Variants in CRACR2A observed in about 807,000 individuals in gnomAD.
The protein encoded by CRACR2A is calcium release activated channel regulator 2A.
CRACR2A carries 79 observed loss-of-function variants against 90.5 expected under a neutral mutation model. The observed-to-expected ratio is 0.87, with a 90% CI of 0.73 to 1.05. The LOEUF is 1.05. Among genes scored for constraint, CRACR2A ranks in the 50% least tolerant of loss-of-function variants. CRACR2A has a pLI of 0.00. For synonymous variants in CRACR2A, 338 were observed against 356.7 expected (o/e 0.95, Z 0.59); for missense variants, 823 against 897.2 (o/e 0.92, Z 1.06).
chr12:3,627,302 C>T (rs1252820469), intron 17 of CRACR2A, 134 bp downstream of exon 17: 3 of 666,208 alleles, frequency 4.5e-6, no homozygotes, highest in African/African-American at 3.6e-5. Context: ...CACATGCCTG[C>T]ATCAGTTTGT....
intron 3 of CRACR2A, among the ~76,000 whole-genome samples, chr12:3,712,904 C>A (rs1946027373): frequency 6.6e-6 from 1 of 152,044 alleles, no homozygotes; most frequent in South Asian, 2.1e-4. Context: ...CAGAGAGGGG[C>A]TAGCAGACCC....
intron 6 of CRACR2A, among the ~76,000 whole-genome samples, chr12:3,675,070 T>C (rs1190551984): frequency 6.6e-6 from 1 of 152,236 alleles, no homozygotes; most frequent in Non-Finnish European, 1.5e-5. Flanking sequence ...ATACTTCTCT[T>C]GAGCTCTTTC....
At position 3,667,445 on chromosome 12, in the gene CRACR2A, G is replaced by T. The variant is rs536221634; in HGVS notation, c.671+6001C>A. Among the ~76,000 whole-genome samples, 9 of 152,266 alleles carry T rather than the reference G, an allele frequency of 5.9e-5. No individual in the cohort carries two copies. In the East Asian group the frequency reaches 1.4e-3, roughly 23 times the overall value. On this transcript the variant is annotated intron_variant, in intron 7 of 19. Coordinates refer to ENST00000440314, the MANE Select transcript of CRACR2A (RefSeq NM_001144958.2). ...GGGGCCAACAGTCCACACTGCCATGGCCAAAGAGAGGCAAGATTATGGGAG... is the reference window on the plus strand; with the variant it reads ...GGGGCCAACAGTCCACACTGCCATGTCCAAAGAGAGGCAAGATTATGGGAG...
intron 15 of CRACR2A, among the ~76,000 whole-genome samples, chr12:3,631,083 AG>A: frequency 6.6e-6 from 1 of 152,190 alleles, no homozygotes; most frequent in Non-Finnish European, 1.5e-5. Flanking sequence ...GGCAGCCTGC[AG>A]GTGGCTGGTG....
At chr12:3,716,059 CTTTT>C (rs565438217) in intron 2 of CRACR2A, among the ~76,000 whole-genome samples, 1 of 143,238 alleles carries the variant, frequency 7.0e-6, no homozygotes, top group African/African-American at 2.6e-5. Flanking sequence ...CTCTCCCAGG[CTTTT>C]TTTTTTTTTC....
chr12:3,687,850 C>T (rs999596413), intron 4 of CRACR2A, among the ~76,000 whole-genome samples: 1 of 152,180 alleles, frequency 6.6e-6, no homozygotes. Flanking sequence ...CTTGCCAGCA[C>T]CTGTTATTTT....
At chr12:3,680,459 T>A in intron 4 of CRACR2A, 110 bp from the exon 5 acceptor site, 1 of 822,100 alleles carries the variant, frequency 1.2e-6, no homozygotes, top group Non-Finnish European at 2.0e-6. Context: ...GGCCCAGTCC[T>A]ACAAAAGCCA....
chr12:3,627,082 T>G (rs1944277534), intron 17 of CRACR2A, among the ~76,000 whole-genome samples: 1 of 152,144 alleles, frequency 6.6e-6, no homozygotes, highest in African/African-American at 2.4e-5. Context: ...ACTCAAACAC[T>G]GATTTCTCCA....
intron 7 of CRACR2A, among the ~76,000 whole-genome samples, chr12:3,668,996 C>A (rs1341482077): frequency 6.6e-6 from 1 of 152,194 alleles, no homozygotes; most frequent in Non-Finnish European, 1.5e-5. Context: ...AAACAGGCAG[C>A]CAGCTGGTAT....
At chr12:3,637,637 T>C (rs1461651123) in intron 14 of CRACR2A, among the ~76,000 whole-genome samples, 1 of 151,906 alleles carries the variant, frequency 6.6e-6, no homozygotes, top group Non-Finnish European at 1.5e-5. Flanking sequence ...CCTTCCCCTT[T>C]CCCTCCACTT....
In CRACR2A at chr12:3,633,523, C is replaced by T. The variant is rs188630062; in HGVS notation, c.1735+81G>A. ...CATGGCCCTTCCCATGGGCTTCTAACGCTCCCTGCCCCGGGCCCCCTTCTC... is the reference window on the plus strand; with the variant it reads ...CATGGCCCTTCCCATGGGCTTCTAATGCTCCCTGCCCCGGGCCCCCTTCTC... On this transcript the variant is annotated intron_variant, in intron 15 of 19. Coordinates refer to ENST00000440314, the MANE Select transcript of CRACR2A (RefSeq NM_001144958.2). This position sits in a 1 kb window ranked among gnomAD's most constrained non-coding sequence, Gnocchi z 4.5. 1.6e-3 allele frequency: 2,407 copies of T among 1,528,622 alleles called. 39 individuals are homozygous for T. Among genetic ancestry groups the T allele is most frequent in the Middle Eastern group, 6.8e-4 (4 of 5,848 alleles). 94.7% of individuals were successfully genotyped at this position (1,528,622 alleles called of 1,614,324 possible). A position where few individuals can be genotyped will look rare whatever the true frequency, so the allele number is the denominator to read the frequency against.
At chr12:3,723,902 G>A (rs1165116862) in intron 2 of CRACR2A, among the ~76,000 whole-genome samples, 1 of 152,152 alleles carries the variant, frequency 6.6e-6, no homozygotes, top group African/African-American at 2.4e-5. Flanking sequence ...AGAAGGAAGA[G>A]ATCTCCTTCC....
intron 11 of CRACR2A, among the ~76,000 whole-genome samples, chr12:3,647,523 C>T (rs1944710660): frequency 6.6e-6 from 1 of 152,160 alleles, no homozygotes; most frequent in Non-Finnish European, 1.5e-5. Flanking sequence ...GTTTTGTTCT[C>T]TTCCTTTTAC....
chr12:3,619,265 C>T lies in CRACR2A; in HGVS notation c.2034+6G>A, dbSNP rs374686212. ...GTCCAGAGAGATGGAAATGCTTGCTCTTTACCGTGGCAAGCTGCTCTCCGA... is the reference window on the plus strand; with the variant it reads ...GTCCAGAGAGATGGAAATGCTTGCTTTTTACCGTGGCAAGCTGCTCTCCGA... On this transcript the variant is annotated splice_donor_region_variant and intron_variant, in intron 18 of 19. Coordinates refer to ENST00000440314, the MANE Select transcript of CRACR2A (RefSeq NM_001144958.2). 56 of 1,549,936 alleles carry T rather than the reference C, an allele frequency of 3.6e-5. No individual in the cohort carries two copies. The highest frequency in any genetic ancestry group is 4.7e-5 in the Non-Finnish European group (54 of 1,145,574).
intron 2 of CRACR2A, among the ~76,000 whole-genome samples, chr12:3,721,701 A>G (rs1202112377): frequency 6.6e-6 from 1 of 152,222 alleles, no homozygotes; most frequent in Non-Finnish European, 1.5e-5. Context: ...GAAAAGGGCA[A>G]TAAGAAAAGA....
chr12:3,751,688 C>T (rs373804943), intron 1 of CRACR2A, among the ~76,000 whole-genome samples: 1 of 152,288 alleles, frequency 6.6e-6, no homozygotes, highest in Non-Finnish European at 1.5e-5. Flanking sequence ...ACGCCCTCTG[C>T]GAGTCACTCC....
intron 3 of CRACR2A, among the ~76,000 whole-genome samples, chr12:3,708,576 C>T (rs1254920676): frequency 6.6e-6 from 1 of 152,182 alleles, no homozygotes; most frequent in Non-Finnish European, 1.5e-5. Context: ...AGGTGCCCGC[C>T]ACCACGCCCG....
chr12:3,705,300 CA>C (rs1358121086), intron 3 of CRACR2A, among the ~76,000 whole-genome samples: 7 of 152,202 alleles, frequency 4.6e-5, no homozygotes, highest in Non-Finnish European at 1.0e-4. Context: ...TAAATATATC[CA>C]GGAAGATTTC....
intron 7 of CRACR2A, among the ~76,000 whole-genome samples, chr12:3,666,361 G>GCA (rs1491125865): frequency 1.4e-4 from 21 of 147,102 alleles, no homozygotes; most frequent in African/African-American, 4.2e-4. Context: ...GTGTGCGTGC[G>GCA]TGTGCGCGTG....
Sources: gnomAD v4.1 joint callset for allele counts (sites outside exome capture counted in the v4.1 genomes callset) on GRCh38, gnomAD v4.1.1 for gene constraint, Gnocchi (gnomAD v3.1) non-coding constraint, MANE v1.5 for transcripts, NCBI Gene and HGNC (gene_info 2026-07-23, HGNC 2026-07-21) for gene names.